Variants in DENND1B observed in about 807,000 individuals in gnomAD.
DENND1B encodes DENN domain containing 1B, also known as DENN domain-containing protein 1B.
Under a neutral mutation model 90.1 loss-of-function variants are expected in DENND1B, and 59 were observed. That is an observed-to-expected ratio of 0.65 (90% CI 0.53 to 0.81). The LOEUF is 0.81. Ranked by LOEUF, DENND1B falls within the 40% of genes least tolerant of loss-of-function variation. The pLI, the probability that DENND1B is intolerant of heterozygous loss-of-function variation, is 0.00. For synonymous variants in DENND1B, 337 were observed against 324.6 expected (o/e 1.04, Z -0.41); for missense variants, 862 against 912.6 (o/e 0.94, Z 0.71).
intron 2 of DENND1B, among the ~76,000 whole-genome samples, chr1:197,771,244 C>T (rs970993780): frequency 3.9e-5 from 6 of 152,108 alleles, no homozygotes; most frequent in South Asian, 2.1e-4. Context: ...CGTTACTTCA[C>T]GCACCTTCGG....
chr1:197,761,120 C>T (rs1030666897), intron 2 of DENND1B, among the ~76,000 whole-genome samples: 2 of 152,132 alleles, frequency 1.3e-5, no homozygotes, highest in African/African-American at 2.4e-5. Flanking sequence ...CAAAATCACA[C>T]ATTTCATAGT....
chr1:197,577,494 T>C (rs866923430), intron 15 of DENND1B, among the ~76,000 whole-genome samples: 5 of 152,100 alleles, frequency 3.3e-5, no homozygotes, highest in African/African-American at 1.2e-4. Context: ...GGAGAGGTTT[T>C]GGGGGAAAGG....
intron 14 of DENND1B, among the ~76,000 whole-genome samples, chr1:197,585,104 T>C (rs1175533479): frequency 6.6e-6 from 1 of 152,192 alleles, no homozygotes; most frequent in Non-Finnish European, 1.5e-5. Context: ...ATTTATAATC[T>C]ATCGGAGGAA....
intron 3 of DENND1B, among the ~76,000 whole-genome samples, chr1:197,691,794 T>A (rs1401595551): frequency 8.6e-5 from 13 of 151,518 alleles, no homozygotes; most frequent in Non-Finnish European, 4.4e-5. Context: ...AGAAAGAAAA[T>A]CCTGTCATTT....
intron 16 of DENND1B, among the ~76,000 whole-genome samples, chr1:197,547,210 G>C (rs931258354): frequency 2.0e-5 from 3 of 152,072 alleles, no homozygotes; most frequent in Admixed American, 1.3e-4. Context: ...CAAGGTTGCA[G>C]TGTGCTAAGA....
chr1:197,764,843 A>C (rs934630527), intron 2 of DENND1B, among the ~76,000 whole-genome samples: 1 of 152,178 alleles, frequency 6.6e-6, no homozygotes, highest in Non-Finnish European at 1.5e-5. Flanking sequence ...ACTTAAAAGG[A>C]ATTGTTAGTT....
chr1:197,707,876 G>A (rs1454375537), intron 3 of DENND1B, among the ~76,000 whole-genome samples: 17 of 148,854 alleles, frequency 1.1e-4, no homozygotes, highest in Non-Finnish European at 1.8e-4. Flanking sequence ...TGTGCGCACC[G>A]TGCGCGAGCC....
intron 13 of DENND1B, among the ~76,000 whole-genome samples, chr1:197,596,439 TG>T (rs2125811569): frequency 6.6e-6 from 1 of 152,016 alleles, no homozygotes; most frequent in Admixed American, 6.6e-5. Context: ...ATGCTTAAAA[TG>T]GAAACATATT....
intron 3 of DENND1B, among the ~76,000 whole-genome samples, chr1:197,707,916 G>A (rs1183565362): frequency 1.3e-5 from 2 of 151,468 alleles, no homozygotes; most frequent in Non-Finnish European, 1.5e-5. Context: ...CCTCACCTGG[G>A]AAGCGCAAGG....
chr1:197,536,522 T>G (rs1331480903), intron 20 of DENND1B, among the ~76,000 whole-genome samples: 1 of 152,112 alleles, frequency 6.6e-6, no homozygotes, highest in Non-Finnish European at 1.5e-5. Flanking sequence ...ACATTAGTAA[T>G]GCAAGATAGC....
chr1:197,687,506 C>T (rs187461245), intron 3 of DENND1B, among the ~76,000 whole-genome samples: 2 of 152,262 alleles, frequency 1.3e-5, no homozygotes, highest in African/African-American at 4.8e-5. Flanking sequence ...TAATTAGTAG[C>T]ATCACCATTT....
chr1:197,673,508 T>C (rs957106870), intron 4 of DENND1B, among the ~76,000 whole-genome samples: 15 of 152,072 alleles, frequency 9.9e-5, no homozygotes, highest in African/African-American at 3.6e-4. Context: ...AAAAATCACA[T>C]GAAAAACAAT....
intron 11 of DENND1B, among the ~76,000 whole-genome samples, chr1:197,616,224 T>C (rs1558309421): frequency 6.6e-6 from 1 of 150,962 alleles, no homozygotes; most frequent in Non-Finnish European, 1.5e-5. Context: ...CTGTAAAATA[T>C]ATTTTTAAAT....
intron 15 of DENND1B, among the ~76,000 whole-genome samples, chr1:197,579,808 T>G (rs1411953960): frequency 1.3e-5 from 2 of 152,178 alleles, no homozygotes; most frequent in Non-Finnish European, 2.9e-5. Flanking sequence ...ATTACACACA[T>G]CAACTTATTT....
At chr1:197,544,960 A>G (rs1241842042) in intron 18 of DENND1B, among the ~76,000 whole-genome samples, 4 of 46,420 alleles carry the variant, frequency 8.6e-5, no homozygotes, top group Admixed American at 2.7e-4. Context: ...GAGAAGGGAG[A>G]AGGAGAAGGA....
At chr1:197,695,895 T>C (rs915778689) in intron 3 of DENND1B, among the ~76,000 whole-genome samples, 1 of 151,268 alleles carries the variant, frequency 6.6e-6, no homozygotes, top group African/African-American at 2.4e-5. Flanking sequence ...TGTCTCAATT[T>C]CAAATAATGA....
chr1:197,754,521 G>T (rs1259792331), intron 2 of DENND1B, among the ~76,000 whole-genome samples: 1 of 151,814 alleles, frequency 6.6e-6, no homozygotes, highest in African/African-American at 2.4e-5. Flanking sequence ...AGCCAGATGT[G>T]GTGGTGCACA....
chr1:197,636,010 A>G (rs1002061384), intron 10 of DENND1B, among the ~76,000 whole-genome samples: 5 of 151,986 alleles, frequency 3.3e-5, no homozygotes, highest in Admixed American at 3.3e-4. Context: ...ACCCGCCCTG[A>G]TAACTTTATT....
intron 16 of DENND1B, chr1:197,552,129 G>T: frequency 1.3e-6 from 1 of 754,068 alleles, no homozygotes; most frequent in Non-Finnish European, 1.6e-6. Flanking sequence ...CTTTTCATGT[G>T]TCATTTCTGA....
Sources: allele counts gnomAD v4.1 joint callset (sites outside exome capture counted in the v4.1 genomes callset), GRCh38; gene constraint gnomAD v4.1.1; transcripts MANE v1.5; gene names NCBI Gene and HGNC (gene_info 2026-07-23, HGNC 2026-07-21).